Variants in FBLN5 observed in about 807,000 individuals in gnomAD.
FBLN5 encodes the protein fibulin 5.
Under a neutral mutation model 61.6 loss-of-function variants are expected in FBLN5, and 24 were observed. The observed-to-expected ratio is 0.39, with a 90% CI of 0.28 to 0.55. FBLN5 has a LOEUF of 0.55. Ranked by LOEUF, FBLN5 falls within the 20% of genes least tolerant of loss-of-function variation. The pLI is 0.65. For missense variants in FBLN5, 470 were observed against 594.1 expected, an observed-to-expected ratio of 0.79 and a Z score of 2.17; for synonymous variants, 213 against 219.8, an observed-to-expected ratio of 0.97 and a Z score of 0.27.
At chr14:91,945,757 A>G (rs566848398) in intron 1 of FBLN5, among the ~76,000 whole-genome samples, 56 of 152,326 alleles carry the variant, frequency 3.7e-4, no homozygotes, top group Admixed American at 6.5e-5. Context: ...GGACGCTGAG[A>G]GTCCACAAGT....
chr14:91,902,768 C>T (rs1167610702), intron 4 of FBLN5, among the ~76,000 whole-genome samples: 1 of 152,128 alleles, frequency 6.6e-6, no homozygotes, highest in Non-Finnish European at 1.5e-5. Context: ...ATCCATGCAG[C>T]CTGCTCAGAG....
At chr14:91,895,670 C>T (rs944922533) in intron 4 of FBLN5, among the ~76,000 whole-genome samples, 1 of 151,568 alleles carries the variant, frequency 6.6e-6, no homozygotes, top group Non-Finnish European at 1.5e-5. Flanking sequence ...TGGTGGCATG[C>T]GCCTGTAGTC....
At position 91,883,027 on chromosome 14, in the gene FBLN5, C is replaced by A; in HGVS notation, c.789G>T (p.Val263=). 1 of 1,614,116 alleles carries A rather than the reference C, an allele frequency of 6.2e-7. No individual in the cohort carries two copies. Among genetic ancestry groups the A allele is most frequent in the Non-Finnish European group, 8.5e-7 (1 of 1,179,968 alleles). Residue 263 remains valine (V), a synonymous_variant, in exon 8 of 11, where the codon GTG becomes GTT. Coordinates refer to ENST00000342058, the MANE Select transcript of FBLN5 (RefSeq NM_006329.4). ...FSEFLCQHEC[V]NQPGTYFCSC... ...AGCAGAAGTATGTGCCGGGCTGGTTCACACACTCATGTTGGCAGAGGAACT... is the reference window on the plus strand; with the variant it reads ...AGCAGAAGTATGTGCCGGGCTGGTTAACACACTCATGTTGGCAGAGGAACT...
intron 4 of FBLN5, among the ~76,000 whole-genome samples, chr14:91,910,285 T>C (rs1466207386): frequency 1.3e-5 from 2 of 152,046 alleles, no homozygotes; most frequent in Non-Finnish European, 2.9e-5. Flanking sequence ...AAAAGACAAA[T>C]ACTGTATGAG....
At position 91,882,896 on chromosome 14, in the gene FBLN5, C is replaced by A. The variant is rs1196297291; in HGVS notation, c.862+58G>T. ...CCAGGTGAGGATATCCAGATGAGCC[C>A]CTGAAGCAGCTCCACCTCACACATA... is the stretch of plus-strand genomic sequence containing the variant. On this transcript the variant is annotated intron_variant, in intron 8 of 10. Transcript: ENST00000342058. The surrounding 1 kb of genome is among the most constrained non-coding windows in gnomAD (Gnocchi z 4.9). The A allele has an allele frequency of 3.1e-6, 5 of 1,599,616 alleles. No individual in the cohort carries two copies. The South Asian group carries it at 5.6e-5, about 18-fold the overall frequency.
At chr14:91,926,784 G>C (rs535647574) in intron 4 of FBLN5, among the ~76,000 whole-genome samples, 2 of 151,864 alleles carry the variant, frequency 1.3e-5, no homozygotes, top group South Asian at 2.1e-4. Flanking sequence ...GTGGATCGGG[G>C]GGAGTGGACG....
rs542944369 is a variant in FBLN5 at position 91,903,548 on chromosome 14, C to G, written c.380-8476G>C. On this transcript the variant is annotated intron_variant, in intron 4 of 10. Coordinates refer to ENST00000342058, the MANE Select transcript of FBLN5 (RefSeq NM_006329.4). ...CCTGACTCCTGTAATCTCCCCATCT[C>G]CCCGAGGGCTCCTTCTTCTCATTCC... is the stretch of plus-strand genomic sequence containing the variant. 2.6e-5 allele frequency among the ~76,000 whole-genome samples: 4 copies of G among 152,266 alleles called. No homozygotes were observed. The East Asian group carries it at 7.7e-4, about 29-fold the overall frequency.
chr14:91,898,797 T>A (rs925763923), intron 4 of FBLN5, among the ~76,000 whole-genome samples: 3 of 58,426 alleles, frequency 5.1e-5, no homozygotes, highest in Non-Finnish European at 1.1e-4. Flanking sequence ...TCATTCATTC[T>A]TTTTTTTTTT....
intron 4 of FBLN5, among the ~76,000 whole-genome samples, chr14:91,919,465 C>A (rs1308386746): frequency 6.6e-6 from 1 of 151,094 alleles, no homozygotes; most frequent in Non-Finnish European, 1.5e-5. Context: ...TCAAAAGGGT[C>A]CCCACTGGAG....
intron 4 of FBLN5, among the ~76,000 whole-genome samples, chr14:91,918,590 G>C (rs774596705): frequency 1.1e-4 from 16 of 152,196 alleles, no homozygotes; most frequent in Non-Finnish European, 2.2e-4. Context: ...AACAAGGATG[G>C]AAGGATGGAA....
rs1285734725 is a variant in FBLN5 at position 91,869,411 on chromosome 14, T to A, written c.*813A>T. On this transcript the variant is annotated 3_prime_UTR_variant, in exon 11 of 11. Transcript: ENST00000342058. ...ATGTCAAAATGAACCAAACACAAGC[T>A]CTCTTCAAATATTTAATCAGTTTGG... 6.6e-6 allele frequency: 1 copy of A among 151,988 alleles called. No individual in the cohort carries two copies. Among genetic ancestry groups the A allele is most frequent in the African/African-American group, 2.4e-5 (1 of 41,326 alleles). 9.4% of individuals were successfully genotyped at this position (151,988 alleles called of 1,614,324 possible).
At chr14:91,899,034 C>A (rs1890345850) in intron 4 of FBLN5, among the ~76,000 whole-genome samples, 1 of 151,970 alleles carries the variant, frequency 6.6e-6, no homozygotes, top group Admixed American at 6.5e-5. Flanking sequence ...TATCTCCTGA[C>A]CTCGTGATCT....
chr14:91,894,392 G>C (rs1356512682), intron 5 of FBLN5, among the ~76,000 whole-genome samples: 1 of 78,964 alleles, frequency 1.3e-5, no homozygotes, highest in Non-Finnish European at 2.2e-5. Flanking sequence ...AACAGAGGGA[G>C]ACACCATATC....
chr14:91,901,294 C>A (rs183514192), intron 4 of FBLN5, among the ~76,000 whole-genome samples: 2 of 152,184 alleles, frequency 1.3e-5, no homozygotes, highest in Admixed American at 6.5e-5. Flanking sequence ...TGTGTGAGAA[C>A]GGCCATCAGC....
chr14:91,928,550 T>C (rs957820618), intron 4 of FBLN5, among the ~76,000 whole-genome samples: 15 of 151,730 alleles, frequency 9.9e-5, no homozygotes, highest in African/African-American at 3.6e-4. Context: ...GGAAGGAGGA[T>C]CGCTTGAGCC....
At chr14:91,890,073 T>C (rs958631210) in intron 6 of FBLN5, among the ~76,000 whole-genome samples, 2 of 152,162 alleles carry the variant, frequency 1.3e-5, no homozygotes, top group African/African-American at 4.8e-5. Flanking sequence ...AGGGCCCTTG[T>C]TTATCCGCTT....
intron 1 of FBLN5, chr14:91,946,652 T>G (rs1193082610): frequency 1.5e-6 from 2 of 1,365,756 alleles, no homozygotes; most frequent in African/African-American, 2.9e-5. Flanking sequence ...TCTCCAAGAC[T>G]TAAGGATTAC....
chr14:91,924,012 C>T (rs1354291737), intron 4 of FBLN5, among the ~76,000 whole-genome samples: 2 of 152,208 alleles, frequency 1.3e-5, no homozygotes, highest in Non-Finnish European at 2.9e-5. Flanking sequence ...TGCCAAACCA[C>T]CCGACTCCCG....
chr14:91,871,724 G>A (rs1888936872), intron 10 of FBLN5, among the ~76,000 whole-genome samples: 1 of 152,088 alleles, frequency 6.6e-6, no homozygotes. Flanking sequence ...GGGCATGTTG[G>A]CAGGTGCCTG....
Sources: allele counts gnomAD v4.1 joint callset (sites outside exome capture counted in the v4.1 genomes callset), GRCh38; gene constraint gnomAD v4.1.1; non-coding constraint Gnocchi (gnomAD v3.1); transcripts MANE v1.5; gene names NCBI Gene and HGNC (gene_info 2026-07-23, HGNC 2026-07-21).